The following NLGN1 variants were observed in gnomAD, a reference collection of about 807,000 sequenced individuals.
NLGN1 encodes neuroligin-1.
In NLGN1, 12 loss-of-function variants were observed where a neutral mutation model predicts 65.5. That is an observed-to-expected ratio of 0.18 (90% CI 0.12 to 0.30). The LOEUF (loss-of-function observed/expected upper bound fraction) is 0.30. Ranked by LOEUF, NLGN1 falls within the 10% of genes least tolerant of loss-of-function variation. The pLI is 1.00. For synonymous variants in NLGN1, 350 were observed against 359.5 expected (o/e 0.97, Z 0.30); for missense variants, 750 against 1,007.1 (o/e 0.74, Z 3.46).
chr3:174,037,371 A>T (rs762347987), intron 4 of NLGN1, among the ~76,000 whole-genome samples: 2 of 152,284 alleles, frequency 1.3e-5, no homozygotes, highest in Non-Finnish European at 2.9e-5. Context: ...ATCATCCGTG[A>T]TAATTTCTTG....
intron 2 of NLGN1, among the ~76,000 whole-genome samples, chr3:173,535,968 C>G (rs1247358415): frequency 2.0e-5 from 3 of 152,194 alleles, no homozygotes; most frequent in Non-Finnish European, 2.9e-5. Context: ...TGTGATAAAA[C>G]AAGAGAAACC....
At chr3:174,083,213 T>C (rs1032029710) in intron 4 of NLGN1, among the ~76,000 whole-genome samples, 1 of 151,600 alleles carries the variant, frequency 6.6e-6, no homozygotes. Flanking sequence ...GAAATAATCC[T>C]GTAGATTCTG....
chr3:173,730,329 C>CCCA (rs1772596008), intron 3 of NLGN1, among the ~76,000 whole-genome samples: 1 of 139,878 alleles, frequency 7.1e-6, no homozygotes. Flanking sequence ...CGCTCCCCCC[C>CCCA]CCCCGCAAAA....
chr3:174,030,023 A>C (rs940677553), intron 4 of NLGN1, among the ~76,000 whole-genome samples: 1 of 152,104 alleles, frequency 6.6e-6, no homozygotes, highest in Non-Finnish European at 1.5e-5. Context: ...TGGTAAATAC[A>C]TAGTAAATGT....
intron 2 of NLGN1, among the ~76,000 whole-genome samples, chr3:173,500,752 A>G (rs1416204615): frequency 6.6e-6 from 1 of 151,874 alleles, no homozygotes; most frequent in Non-Finnish European, 1.5e-5. Flanking sequence ...TCTATTAAAT[A>G]CCTTATTTTC....
intron 2 of NLGN1, among the ~76,000 whole-genome samples, chr3:173,482,306 G>A (rs474260): frequency 2.0e-5 from 3 of 151,590 alleles, no homozygotes; most frequent in African/African-American, 7.3e-5. Context: ...AGAGGAGGAC[G>A]TCAACATTTC....
At chr3:173,617,763 A>G (rs1753345409) in intron 3 of NLGN1, among the ~76,000 whole-genome samples, 1 of 152,208 alleles carries the variant, frequency 6.6e-6, no homozygotes, top group Admixed American at 6.5e-5. Context: ...TCATATTTTA[A>G]TACAGGATGC....
chr3:173,824,077 T>C (rs754063161), intron 4 of NLGN1, among the ~76,000 whole-genome samples: 2 of 152,066 alleles, frequency 1.3e-5, no homozygotes, highest in Non-Finnish European at 2.9e-5. Flanking sequence ...CTGAAAGAGA[T>C]GATTCACAAA....
chr3:173,454,614 A>G (rs1311817342), intron 2 of NLGN1, among the ~76,000 whole-genome samples: 2 of 152,132 alleles, frequency 1.3e-5, no homozygotes, highest in Non-Finnish European at 2.9e-5. Context: ...CAATTTCTCC[A>G]TGCTTCCAAC....
intron 1 of NLGN1, among the ~76,000 whole-genome samples, chr3:173,423,490 A>AG: frequency 6.6e-6 from 1 of 152,246 alleles, no homozygotes; most frequent in South Asian, 2.1e-4. Flanking sequence ...GATACAATGG[A>AG]GGTGTGGGCT....
At chr3:173,526,027 C>G (rs1735583318) in intron 2 of NLGN1, among the ~76,000 whole-genome samples, 1 of 151,962 alleles carries the variant, frequency 6.6e-6, no homozygotes, top group African/African-American at 2.4e-5. Context: ...AAAATATGCT[C>G]AATTTTGGAA....
intron 4 of NLGN1, among the ~76,000 whole-genome samples, chr3:173,834,349 A>C (rs970379413): frequency 2.0e-5 from 3 of 152,076 alleles, no homozygotes; most frequent in African/African-American, 7.2e-5. Context: ...GATCTTTTTC[A>C]CGTTGTATTT....
At chr3:174,215,510 G>A (rs138749394) in intron 4 of NLGN1, among the ~76,000 whole-genome samples, 18 of 152,252 alleles carry the variant, frequency 1.2e-4, no homozygotes, top group Non-Finnish European at 1.9e-4. Context: ...CATATTAGTA[G>A]CATAAATCTT....
At chr3:173,809,486 G>C (rs928220045) in intron 4 of NLGN1, among the ~76,000 whole-genome samples, 3 of 152,122 alleles carry the variant, frequency 2.0e-5, no homozygotes, top group African/African-American at 7.2e-5. Flanking sequence ...CAGTTTGCCA[G>C]ATGAAACTTT....
intron 3 of NLGN1, among the ~76,000 whole-genome samples, chr3:173,759,627 C>T (rs1278550128): frequency 6.6e-6 from 1 of 151,796 alleles, no homozygotes; most frequent in Non-Finnish European, 1.5e-5. Flanking sequence ...GGCAAAAAGC[C>T]CTATTGCGTG....
chr3:173,757,674 A>G (rs1295102682), intron 3 of NLGN1, among the ~76,000 whole-genome samples: 1 of 151,874 alleles, frequency 6.6e-6, no homozygotes, highest in Non-Finnish European at 1.5e-5. Context: ...AAAGCAGCAG[A>G]AAAAAAATGG....
chr3:173,830,007 T>TCGGGGGCG (rs1553863519), intron 4 of NLGN1, among the ~76,000 whole-genome samples: 2 of 128,654 alleles, frequency 1.6e-5, no homozygotes, highest in African/African-American at 6.3e-5. Context: ...GTGGGTAGTG[T>TCGGGGGCG]GGGGGGGGGA....
intron 4 of NLGN1, among the ~76,000 whole-genome samples, chr3:174,250,899 C>G (rs909924790): frequency 3.3e-5 from 5 of 151,998 alleles, no homozygotes; most frequent in African/African-American, 1.2e-4. Context: ...AAGAAAAAGC[C>G]TTTTTTGTTT....
rs1234543810 is a variant in NLGN1 at position 174,206,604 on chromosome 3, C to T, written c.647-68711C>T. On this transcript the variant is annotated intron_variant, in intron 4 of 6. Coordinates refer to ENST00000457714, the Ensembl canonical transcript of NLGN1. Reference sequence around the variant, plus strand: ...ACTGCTTTGCAAACCTATCAGTGCTCTATAGAAGTTACCTCTCAGAGTCTC... The same window carrying T: ...ACTGCTTTGCAAACCTATCAGTGCTTTATAGAAGTTACCTCTCAGAGTCTC... Among the ~76,000 whole-genome samples, 6 of 152,158 alleles carry T rather than the reference C, an allele frequency of 3.9e-5. No individual in the cohort carries two copies. The East Asian group carries it at 1.2e-3, about 29-fold the overall frequency.
Sources: gnomAD v4.1 joint callset for allele counts (sites outside exome capture counted in the v4.1 genomes callset) on GRCh38, gnomAD v4.1.1 for gene constraint, MANE v1.5 for transcripts, NCBI Gene and HGNC (gene_info 2026-07-23, HGNC 2026-07-21) for gene names.